Variants in TMEM67 observed in about 807,000 individuals in gnomAD.
The protein encoded by TMEM67 is transmembrane protein 67.
In TMEM67, 124 loss-of-function variants were observed where a neutral mutation model predicts 136.6. The ratio of observed to expected loss-of-function variants is 0.91; its 90% confidence interval spans 0.78 to 1.05. The LOEUF (loss-of-function observed/expected upper bound fraction) is 1.05, where lower values mean the gene tolerates loss of function less well. Ranked by LOEUF, TMEM67 falls within the 50% of genes least tolerant of loss-of-function variation. The pLI is 0.00. For missense variants in TMEM67, 1,107 were observed against 1,178.4 expected, an observed-to-expected ratio of 0.94 and a Z score of 0.89; for synonymous variants, 364 against 390.5, an observed-to-expected ratio of 0.93 and a Z score of 0.80.
downstream of TMEM67, chr8:93,819,140 A>T (rs1356842667): frequency 2.2e-6 from 1 of 452,844 alleles, no homozygotes; most frequent in Non-Finnish European, 4.4e-6. Context: ...AACATTGAGT[A>T]AACTATGAAT....
the TMEM67 span, among the ~76,000 whole-genome samples, chr8:93,829,790 C>T: frequency 1.3e-5 from 2 of 152,162 alleles, no homozygotes; most frequent in Admixed American, 1.3e-4. Context: ...GCTCATAACT[C>T]CCACAGCCCT....
chr8:93,825,403 AAGG>A, the TMEM67 span, among the ~76,000 whole-genome samples: 1 of 152,214 alleles, frequency 6.6e-6, no homozygotes, highest in Non-Finnish European at 1.5e-5. Flanking sequence ...GTCCAAAATA[AAGG>A]AGGAAATGGC....
intron 11 of TMEM67, among the ~76,000 whole-genome samples, chr8:93,784,183 A>G: frequency 6.6e-6 from 1 of 152,204 alleles, no homozygotes; most frequent in East Asian, 1.9e-4. Flanking sequence ...TTTGTCAGAA[A>G]TGATTTACAC....
chr8:93,789,722 T>G (rs1197338990), intron 14 of TMEM67, among the ~76,000 whole-genome samples: 1 of 151,220 alleles, frequency 6.6e-6, no homozygotes, highest in Non-Finnish European at 1.5e-5. Context: ...AATATTATTC[T>G]TGTCCAAAAT....
At chr8:93,765,316 C>A in intron 4 of TMEM67, 90 bp from the exon 5 acceptor site, 1 of 999,270 alleles carries the variant, frequency 1.0e-6, no homozygotes, top group Non-Finnish European at 1.5e-6. Flanking sequence ...AATGAATCTA[C>A]TCTAATCCAT....
intron 26 of TMEM67, chr8:93,811,273 T>TA (rs1380256791): frequency 7.9e-5 from 12 of 152,216 alleles, no homozygotes; most frequent in African/African-American, 2.9e-4. Context: ...AACTGGATTT[T>TA]AAAAAATCAG....
intron 7 of TMEM67, among the ~76,000 whole-genome samples, chr8:93,777,879 C>A (rs995256418): frequency 6.6e-6 from 1 of 152,136 alleles, no homozygotes; most frequent in Non-Finnish European, 1.5e-5. Flanking sequence ...CCATTTGGTG[C>A]AGAGCTGAGT....
rs202149403 is a variant in TMEM67, at chr8:93,780,633, T to C, written c.755T>C (p.Met252Thr). ...ACATCTTGTCAAGCTCTTGGAAATATGTGTGTGATGAACATGAATTCTTAC... is the reference window on the plus strand; with the variant it reads ...ACATCTTGTCAAGCTCTTGGAAATACGTGTGTGATGAACATGAATTCTTAC... ...NLTSCQALGN[M>T]CVMNMNSYDF... The change falls in exon 8 of 28, where the codon ATG becomes ACG. Residue 252 changes from methionine (M) to threonine (T), a missense_variant. Coordinates refer to ENST00000453321, the MANE Select transcript of TMEM67 (RefSeq NM_153704.6). 154 of 1,614,074 alleles carry C rather than the reference T, an allele frequency of 9.5e-5. No individual in the cohort carries two copies. Among genetic ancestry groups the C allele is most frequent in the Non-Finnish European group, 1.2e-4 (142 of 1,180,050 alleles).
chr8:93,763,015 C>T (rs1454095731), intron 3 of TMEM67: 1 of 380,896 alleles, frequency 2.6e-6, no homozygotes, highest in South Asian at 1.9e-5. Flanking sequence ...CTCCACCTAC[C>T]AGGTTCAAGT....
In TMEM67 at chr8:93,782,473, G is replaced by C; in HGVS notation, c.1131+13G>C. 1 of 1,593,724 alleles carries C rather than the reference G, an allele frequency of 6.3e-7. No individual in the cohort carries two copies. Among genetic ancestry groups the C allele is most frequent in the Non-Finnish European group, 8.6e-7 (1 of 1,163,794 alleles). ...CTACCAACAAAATGTAAGTTTGAACGATATTAGTCTATATTTTAGCTTTAT... is the reference window on the plus strand; with the variant it reads ...CTACCAACAAAATGTAAGTTTGAACCATATTAGTCTATATTTTAGCTTTAT... On this transcript the variant is annotated intron_variant, in intron 11 of 27. Coordinates refer to ENST00000453321, the MANE Select transcript of TMEM67 (RefSeq NM_153704.6).
At chr8:93,778,947 G>C (rs188641570) in intron 7 of TMEM67, among the ~76,000 whole-genome samples, 68 of 152,312 alleles carry the variant, frequency 4.5e-4, no homozygotes, top group Admixed American at 6.5e-4. Context: ...CCTGAAGAGT[G>C]TCTTCCAACT....
At chr8:93,808,530 T>TAG (rs1808553792) in intron 23 of TMEM67, among the ~76,000 whole-genome samples, 2 of 4,040 alleles carry the variant, frequency 5.0e-4, no homozygotes, top group Non-Finnish European at 1.0e-3. Flanking sequence ...ATAATCTATA[T>TAG]ATATCTATAA....
At chr8:93,760,071 A>T in intron 3 of TMEM67, 1 of 1,045,016 alleles carries the variant, frequency 9.6e-7, no homozygotes. Context: ...AAGATTAAAT[A>T]TTAGAAAGAT....
chr8:93,771,698 C>G (rs1329592213), intron 6 of TMEM67, among the ~76,000 whole-genome samples: 1 of 152,192 alleles, frequency 6.6e-6, no homozygotes, highest in African/African-American at 2.4e-5. Flanking sequence ...AACTTTCACA[C>G]TATCAGTGGC....
chr8:93,786,839 A>G (rs1814133825), intron 13 of TMEM67, among the ~76,000 whole-genome samples: 1 of 152,092 alleles, frequency 6.6e-6, no homozygotes, highest in Non-Finnish European at 1.5e-5. Context: ...GATCTCTAAA[A>G]TCTTAGTGAC....
chr8:93,773,949 C>T (rs544786635), intron 7 of TMEM67, among the ~76,000 whole-genome samples: 1 of 152,088 alleles, frequency 6.6e-6, no homozygotes, highest in South Asian at 2.1e-4. Context: ...AGTTTATTTT[C>T]TCCTTAAGCT....
At chr8:93,767,753 AT>A (rs1813139650) in intron 6 of TMEM67, among the ~76,000 whole-genome samples, 1 of 136,922 alleles carries the variant, frequency 7.3e-6, no homozygotes, top group African/African-American at 2.7e-5. Flanking sequence ...ACATGTCCCC[AT>A]CATTCTTTGA....
At chr8:93,807,625 T>G (rs1328879418) in intron 23 of TMEM67, among the ~76,000 whole-genome samples, 1 of 152,110 alleles carries the variant, frequency 6.6e-6, no homozygotes, top group Admixed American at 6.6e-5. Context: ...TTTATTTTCT[T>G]TTTTGTATTT....
rs887918399 is a variant in TMEM67 at position 93,795,147 on chromosome 8, G to A, written c.1675-262G>A. ...GGATTCCCAACTAAGAGAAAATTAGGAAGCAGTTCAATTTTCTTAGATAGT... is the reference window on the plus strand; with the variant it reads ...GGATTCCCAACTAAGAGAAAATTAGAAAGCAGTTCAATTTTCTTAGATAGT... On this transcript the variant is annotated intron_variant, in intron 16 of 27. Coordinates refer to ENST00000453321, the MANE Select transcript of TMEM67 (RefSeq NM_153704.6). The A allele has an allele frequency of 5.6e-6, 3 of 532,700 alleles. No homozygotes were observed. In the African/African-American group the frequency reaches 5.7e-5, roughly 10 times the overall value. The allele number at this position is 532,700 out of a possible 1,614,324, so 33.0% of individuals were successfully genotyped here. A position where few individuals can be genotyped will look rare whatever the true frequency, so the allele number is the denominator to read the frequency against.
Sources: allele counts gnomAD v4.1 joint callset (sites outside exome capture counted in the v4.1 genomes callset), GRCh38; gene constraint gnomAD v4.1.1; transcripts MANE v1.5; gene names NCBI Gene and HGNC (gene_info 2026-07-23, HGNC 2026-07-21).